RERE: variants seen among roughly 807,000 people sequenced by gnomAD.
The protein encoded by RERE is arginine-glutamic acid dipeptide repeats, also known as arginine-glutamic acid dipeptide repeats protein.
In RERE, 40 loss-of-function variants were observed where a neutral mutation model predicts 146.1. The ratio of observed to expected loss-of-function variants is 0.27; its 90% CI spans 0.21 to 0.36. RERE has a LOEUF of 0.36. RERE is among the 10% of genes least tolerant of loss of function. RERE has a pLI of 1.00. For missense variants in RERE, 1,933 were observed against 2,138.7 expected, an observed-to-expected ratio of 0.90 and a Z score of 1.90; for synonymous variants, 1,003 against 866.0, an observed-to-expected ratio of 1.16 and a Z score of -2.78.
chr1:8,740,781 G>T (rs1640291806), intron 1 of RERE, among the ~76,000 whole-genome samples: 2 of 152,156 alleles, frequency 1.3e-5, no homozygotes, highest in Non-Finnish European at 2.9e-5. Flanking sequence ...CCAATGGAAG[G>T]TCTCCAGGGT....
At chr1:8,671,984 T>C (rs904959581) in intron 1 of RERE, among the ~76,000 whole-genome samples, 34 of 152,034 alleles carry the variant, frequency 2.2e-4, no homozygotes, top group African/African-American at 8.0e-4. Context: ...AGAAAAAACA[T>C]CTCAGCCGGG....
intron 2 of RERE, among the ~76,000 whole-genome samples, chr1:8,644,803 C>A (rs991820422): frequency 6.6e-6 from 1 of 152,060 alleles, no homozygotes; most frequent in Admixed American, 6.5e-5. Context: ...ACTAGACATA[C>A]AATTTTTGGC....
At chr1:8,716,416 C>T (rs965851419) in intron 1 of RERE, among the ~76,000 whole-genome samples, 8 of 151,440 alleles carry the variant, frequency 5.3e-5, no homozygotes, top group Admixed American at 2.6e-4. Context: ...GCTGCAGTGA[C>T]CCAAGACTGC....
chr1:8,793,685 G>C (rs922555026), intron 1 of RERE, among the ~76,000 whole-genome samples: 2 of 152,192 alleles, frequency 1.3e-5, no homozygotes. Flanking sequence ...ACCGTTCAGA[G>C]GGCGGAAAGA....
intron 12 of RERE, among the ~76,000 whole-genome samples, chr1:8,381,730 G>C (rs1200663361): frequency 6.6e-6 from 1 of 152,242 alleles, no homozygotes; most frequent in Non-Finnish European, 1.5e-5. Flanking sequence ...GGACGCGCCA[G>C]TGTGAAATGA....
At chr1:8,813,694 C>A (rs908877756) in intron 1 of RERE, among the ~76,000 whole-genome samples, 1 of 149,882 alleles carries the variant, frequency 6.7e-6, no homozygotes, top group Non-Finnish European at 1.5e-5. Flanking sequence ...CAGCTCCCTG[C>A]AACCTCTGCC....
chr1:8,499,666 C>A (rs1173933695), intron 8 of RERE, among the ~76,000 whole-genome samples: 1 of 152,262 alleles, frequency 6.6e-6, no homozygotes, highest in Non-Finnish European at 1.5e-5. Context: ...TCAGCACCCA[C>A]ACAGCTTTAC....
At chr1:8,361,606 C>T in intron 17 of RERE, 116 bp from the exon 18 acceptor site, 2 of 1,451,506 alleles carry the variant, frequency 1.4e-6, no homozygotes, top group South Asian at 1.2e-5. Context: ...AAGCTTGGCT[C>T]CGGGACCACA....
chr1:8,619,854 T>C (rs1646897758), intron 3 of RERE, among the ~76,000 whole-genome samples: 1 of 152,220 alleles, frequency 6.6e-6, no homozygotes, highest in African/African-American at 2.4e-5. Context: ...CTATTCAGAA[T>C]GTTCTCCAAA....
At chr1:8,706,291 AT>A (rs1557493710) in intron 1 of RERE, among the ~76,000 whole-genome samples, 1 of 152,080 alleles carries the variant, frequency 6.6e-6, no homozygotes, top group African/African-American at 2.4e-5. Context: ...CTAAAAAAAA[AT>A]TTAGAAAAAT....
chr1:8,685,479 T>C (rs1639065115), intron 1 of RERE, among the ~76,000 whole-genome samples: 1 of 152,090 alleles, frequency 6.6e-6, no homozygotes, highest in East Asian at 1.9e-4. Flanking sequence ...CCCAGCACTT[T>C]AGGAGGCCGA....
In RERE at chr1:8,367,537, C is replaced by T. The variant is rs181780067; in HGVS notation, c.1285-1563G>A. ...CAAGCACTTAACACTTAACAAATTA[C>T]TCCTGATCACCAATACCTAGCAGAT... On this transcript the variant is annotated intron_variant, in intron 12 of 22. Coordinates refer to ENST00000400908, the MANE Select transcript of RERE (RefSeq NM_001042681.2). Among the ~76,000 whole-genome samples the T allele has an allele frequency of 3.7e-4, 57 of 152,324 alleles. No individual in the cohort carries two copies. In the East Asian group the frequency reaches 9.3e-3, roughly 25 times the overall value.
chr1:8,686,817 G>T (rs749762286), intron 1 of RERE, among the ~76,000 whole-genome samples: 1 of 152,172 alleles, frequency 6.6e-6, no homozygotes, highest in Non-Finnish European at 1.5e-5. Flanking sequence ...AGCAGAGTAA[G>T]GACAAAGTAG....
At chr1:8,381,856 G>A (rs1157830921) in intron 12 of RERE, among the ~76,000 whole-genome samples, 2 of 152,202 alleles carry the variant, frequency 1.3e-5, no homozygotes, top group African/African-American at 4.8e-5. Context: ...AAACCACACA[G>A]GCCTTGGCTT....
intron 12 of RERE, among the ~76,000 whole-genome samples, chr1:8,371,583 C>A (rs1375738479): frequency 6.6e-6 from 1 of 152,232 alleles, no homozygotes; most frequent in Non-Finnish European, 1.5e-5. Flanking sequence ...TCCTGCCATC[C>A]AGGGGCCTGC....
chr1:8,451,173 G>C (rs1347725910), intron 11 of RERE, among the ~76,000 whole-genome samples: 5 of 152,212 alleles, frequency 3.3e-5, no homozygotes, highest in African/African-American at 4.8e-5. Flanking sequence ...GCTCACACCT[G>C]TAATCCCAGC....
intron 12 of RERE, among the ~76,000 whole-genome samples, chr1:8,373,305 A>G (rs549632910): frequency 6.6e-6 from 1 of 152,362 alleles, no homozygotes; most frequent in African/African-American, 2.4e-5. Context: ...AATTAGAGTC[A>G]GAATGTTGTT....
intron 11 of RERE, among the ~76,000 whole-genome samples, chr1:8,460,472 TGAAG>T (rs1196912634): frequency 2.0e-5 from 3 of 152,236 alleles, no homozygotes; most frequent in African/African-American, 7.2e-5. Flanking sequence ...AGCTTTAAAT[TGAAG>T]GAAGATTTAG....
At chr1:8,501,050 C>G (rs1169057623) in intron 8 of RERE, among the ~76,000 whole-genome samples, 1 of 132,072 alleles carries the variant, frequency 7.6e-6, no homozygotes, top group Non-Finnish European at 1.6e-5. Context: ...GGGGGTCAGC[C>G]CCCCGCCCGG....
Sources: gnomAD v4.1 joint callset for allele counts (sites outside exome capture counted in the v4.1 genomes callset) on GRCh38, gnomAD v4.1.1 for gene constraint, MANE v1.5 for transcripts, NCBI Gene and HGNC (gene_info 2026-07-23, HGNC 2026-07-21) for gene names.